Variants in KCNN2 observed in about 807,000 individuals in gnomAD.
The protein encoded by KCNN2 is small conductance calcium-activated potassium channel protein 2.
KCNN2 carries 24 observed loss-of-function variants against 55.5 expected under a neutral mutation model. The observed-to-expected ratio is 0.43, with a 90% CI of 0.31 to 0.61. The LOEUF is 0.61. Among genes scored for constraint, KCNN2 ranks in the 20% least tolerant of loss-of-function variants. KCNN2 has a pLI of 0.08. For synonymous variants in KCNN2, 431 were observed against 336.1 expected (o/e 1.28, Z -3.09); for missense variants, 754 against 853.6 (o/e 0.88, Z 1.45).
intron 2 of KCNN2, among the ~76,000 whole-genome samples, chr5:114,307,250 T>C (rs1048507030): frequency 2.6e-5 from 4 of 152,190 alleles, no homozygotes; most frequent in Admixed American, 2.0e-4. Flanking sequence ...TGAACTAACT[T>C]AGATCTGGAG....
chr5:114,362,193 G>A lies in KCNN2; in HGVS notation c.54G>A (p.Pro18=). The change falls in exon 1 of 8, where the codon CCG becomes CCA. Residue 18 remains proline, a synonymous_variant. Coordinates refer to ENST00000673685, the MANE Select transcript of KCNN2 (RefSeq NM_021614.4). ...GCTTCTTCCCAGAGCAGCCGCCGCC[G>A]CCGCCGCGCTCCTCACACCTGCATT... ...QRGFFPEQPP[P]PPRSSHLHCQ... is the part of the protein sequence containing the mutation. 5.8e-6 allele frequency: 1 copy of A among 171,160 alleles called. No homozygotes were observed. Among genetic ancestry groups the A allele is most frequent in the Non-Finnish European group, 1.2e-5 (1 of 81,626 alleles). The allele number at this position is 171,160 out of a possible 1,614,324, so 10.6% of individuals were successfully genotyped here. A position where few individuals can be genotyped will look rare whatever the true frequency, so the allele number is the denominator to read the frequency against.
intron 2 of KCNN2, among the ~76,000 whole-genome samples, chr5:114,381,639 T>A (rs1017907769): frequency 6.6e-6 from 1 of 152,220 alleles, no homozygotes; most frequent in Non-Finnish European, 1.5e-5. Context: ...CAAAATACCC[T>A]TGGATTTTTC....
intron 2 of KCNN2, among the ~76,000 whole-genome samples, chr5:114,292,089 T>TA (rs1755902370): frequency 6.6e-6 from 1 of 152,208 alleles, no homozygotes; most frequent in South Asian, 2.1e-4. Flanking sequence ...TTCTGGATAT[T>TA]AGCCCTTTGT....
intron 1 of KCNN2, among the ~76,000 whole-genome samples, chr5:114,177,014 T>TA (rs529654999): frequency 1.3e-5 from 2 of 152,178 alleles, no homozygotes; most frequent in African/African-American, 4.8e-5. Flanking sequence ...GAAAAACTCT[T>TA]AGAGTAAATG....
At chr5:114,249,792 A>G (rs1754823064) in intron 2 of KCNN2, among the ~76,000 whole-genome samples, 1 of 151,972 alleles carries the variant, frequency 6.6e-6, no homozygotes, top group Non-Finnish European at 1.5e-5. Context: ...TTGTTTTTCA[A>G]CAAGAGGTAT....
At chr5:114,244,638 C>CAGAG (rs35939020) in intron 2 of KCNN2, among the ~76,000 whole-genome samples, 2 of 147,594 alleles carry the variant, frequency 1.4e-5, no homozygotes, top group East Asian at 2.0e-4. Flanking sequence ...AGGGGAGAGA[C>CAGAG]AGAGAGAGAG....
At chr5:114,092,225 G>C (rs1419606274) in intron 1 of KCNN2, among the ~76,000 whole-genome samples, 1 of 152,300 alleles carries the variant, frequency 6.6e-6, no homozygotes, top group East Asian at 1.9e-4. Context: ...AGGGGCTACA[G>C]GTCCCATGAA....
At chr5:114,243,290 A>T (rs1027588892) in intron 2 of KCNN2, among the ~76,000 whole-genome samples, 1 of 152,198 alleles carries the variant, frequency 6.6e-6, no homozygotes, top group Non-Finnish European at 1.5e-5. Context: ...TGTTTACGGT[A>T]GTCTCCCCTT....
chr5:114,488,338 C>T (rs1418556863), intron 6 of KCNN2, among the ~76,000 whole-genome samples: 11 of 152,160 alleles, frequency 7.2e-5, no homozygotes, highest in Non-Finnish European at 1.6e-4. Flanking sequence ...TTTACTAACA[C>T]ACTTTCCTAA....
At chr5:114,374,912 G>A (rs163306) in intron 2 of KCNN2, among the ~76,000 whole-genome samples, 112,649 of 152,078 alleles carry the variant, frequency 0.74, 42,053 homozygotes, top group East Asian at 0.97. Context: ...TTTCCAGGTA[G>A]TTTGACCACT....
intron 1 of KCNN2, among the ~76,000 whole-genome samples, chr5:114,174,965 C>G (rs1753106804): frequency 1.3e-5 from 2 of 152,174 alleles, no homozygotes; most frequent in South Asian, 4.1e-4. Context: ...CAGGAAATAA[C>G]TAAAATCCTC....
chr5:114,131,573 A>G (rs1330192809), intron 1 of KCNN2, among the ~76,000 whole-genome samples: 1 of 152,182 alleles, frequency 6.6e-6, no homozygotes, highest in African/African-American at 2.4e-5. Flanking sequence ...GCTATTGTGA[A>G]TAGTGCTGCA....
intron 1 of KCNN2, among the ~76,000 whole-genome samples, chr5:114,098,594 C>A (rs1353814338): frequency 4.0e-5 from 6 of 151,772 alleles, no homozygotes; most frequent in Admixed American, 1.3e-4. Context: ...CATCCCCACT[C>A]CCCCCTGCAC....
intron 2 of KCNN2, among the ~76,000 whole-genome samples, chr5:114,337,341 T>C (rs1321031698): frequency 6.6e-6 from 1 of 152,120 alleles, no homozygotes; most frequent in African/African-American, 2.4e-5. Context: ...CTCACTGAGG[T>C]TGAGGTTCCT....
intron 2 of KCNN2, among the ~76,000 whole-genome samples, chr5:114,354,916 A>C (rs781187634): frequency 5.9e-5 from 9 of 152,216 alleles, no homozygotes; most frequent in Non-Finnish European, 1.3e-4. Context: ...ATTTACAGCC[A>C]TAAGACAAAA....
At chr5:114,152,424 G>A (rs1752547143) in intron 1 of KCNN2, among the ~76,000 whole-genome samples, 1 of 152,146 alleles carries the variant, frequency 6.6e-6, no homozygotes, top group Non-Finnish European at 1.5e-5. Flanking sequence ...CTAATCCAAT[G>A]TTATGTTTAG....
At chr5:114,091,896 T>C (rs1751150874) in intron 1 of KCNN2, among the ~76,000 whole-genome samples, 1 of 152,182 alleles carries the variant, frequency 6.6e-6, no homozygotes, top group African/African-American at 2.4e-5. Context: ...TTGGGGATTA[T>C]GGGGATTATG....
intron 2 of KCNN2, among the ~76,000 whole-genome samples, chr5:114,236,925 T>C (rs1754508665): frequency 6.6e-6 from 1 of 152,168 alleles, no homozygotes; most frequent in African/African-American, 2.4e-5. Flanking sequence ...TTTTGCATGT[T>C]ACTAGTTTAT....
At chr5:114,290,377 G>T (rs1232184763) in intron 2 of KCNN2, among the ~76,000 whole-genome samples, 1 of 151,950 alleles carries the variant, frequency 6.6e-6, no homozygotes, top group East Asian at 1.9e-4. Flanking sequence ...TATAGAATTT[G>T]TTGGCATATA....
Sources: gnomAD v4.1 joint callset for allele counts (sites outside exome capture counted in the v4.1 genomes callset) on GRCh38, gnomAD v4.1.1 for gene constraint, MANE v1.5 for transcripts, NCBI Gene and HGNC (gene_info 2026-07-23, HGNC 2026-07-21) for gene names.